The following ADCY5 variants were observed in gnomAD, a reference collection of about 807,000 sequenced individuals.
The protein encoded by ADCY5 is adenylate cyclase type 5.
A neutral mutation model predicts 119.7 loss-of-function variants in ADCY5; 30 were observed. The observed-to-expected ratio is 0.25, with a 90% confidence interval of 0.19 to 0.34. The LOEUF is 0.34. Ranked by LOEUF, ADCY5 falls within the 10% of genes least tolerant of loss-of-function variation. The pLI is 1.00. For missense variants in ADCY5, 1,324 were observed against 1,775.2 expected (o/e 0.75, Z 4.57); for synonymous variants, 753 against 762.2 (o/e 0.99, Z 0.20).
chr3:123,396,172 A>G (rs1234108389), intron 1 of ADCY5, among the ~76,000 whole-genome samples: 1 of 132,772 alleles, frequency 7.5e-6, no homozygotes, highest in Non-Finnish European at 1.6e-5. Flanking sequence ...AAAAGAGAAG[A>G]AGGGAGGGAG....
chr3:123,409,545 A>G (rs1235503359), intron 1 of ADCY5, among the ~76,000 whole-genome samples: 2 of 152,200 alleles, frequency 1.3e-5, no homozygotes, highest in Non-Finnish European at 2.9e-5. Flanking sequence ...GGGAAGCACC[A>G]CCAAAAATCC....
chr3:123,351,621 G>C (rs1397354334), intron 2 of ADCY5, among the ~76,000 whole-genome samples: 1 of 152,100 alleles, frequency 6.6e-6, no homozygotes, highest in Admixed American at 6.5e-5. Flanking sequence ...TCTCCCCTAG[G>C]CCACACAGCC....
Position 123,320,753 on chromosome 3 carries a change from C to T in ADCY5, c.2107G>A (p.Asp703Asn), listed in dbSNP as rs1576569004. ...MKRMGFEDPKDKNAQESANPE... is the reference protein window; with the variant it reads ...MKRMGFEDPKNKNAQESANPE... ...AAGGAAGGGCATATTACTCACTTGT[C>T]CTTGGGGTCTTCAAAGCCCTAGAAG... Residue 703 changes from aspartate to asparagine, a missense_variant, in exon 9 of 21, where the codon GAC (aspartate) becomes AAC (asparagine). Coordinates refer to ENST00000462833, the MANE Select transcript of ADCY5 (RefSeq NM_183357.3). 2 of 1,611,398 alleles carry T rather than the reference C, an allele frequency of 1.2e-6. No homozygotes were observed. The highest frequency in any genetic ancestry group is 2.2e-5 in the East Asian group (1 of 44,874).
At chr3:123,342,107 T>C (rs1381989781) in intron 3 of ADCY5, among the ~76,000 whole-genome samples, 1 of 152,188 alleles carries the variant, frequency 6.6e-6, no homozygotes. Flanking sequence ...AGAATACTTT[T>C]CTTCATGTCA....
Position 123,318,352 on chromosome 3 carries a change from C to T in ADCY5, c.2257-235G>A, listed in dbSNP as rs141647073. 4.3e-4 allele frequency among the ~76,000 whole-genome samples: 66 copies of T among 152,290 alleles called. 1 individual carries two copies. The highest frequency in any genetic ancestry group is 6.8e-3 in the Middle Eastern group (2 of 294). On this transcript the variant is annotated intron_variant, in intron 10 of 20. Transcript: ENST00000462833. ...GTTGAGACAGACCTGAAACCTTCTG[C>T]AGGTGGGTCACCTTCAGAGTAATCC...
At chr3:123,334,729 C>A (rs376490491) in intron 3 of ADCY5, among the ~76,000 whole-genome samples, 103 of 152,216 alleles carry the variant, frequency 6.8e-4, no homozygotes, top group African/African-American at 2.3e-3. Flanking sequence ...CAGAGCTAGA[C>A]TGTCTCAAAT....
intron 1 of ADCY5, among the ~76,000 whole-genome samples, chr3:123,410,321 T>A (rs1253304906): frequency 2.7e-5 from 4 of 149,706 alleles, no homozygotes. Flanking sequence ...ATCCCCCTCC[T>A]CCTCCTCCCC....
chr3:123,384,024 T>C (rs572869138), intron 1 of ADCY5, among the ~76,000 whole-genome samples: 36 of 152,142 alleles, frequency 2.4e-4, no homozygotes, highest in African/African-American at 6.7e-4. Context: ...TTGTAAATGA[T>C]CTTTTCTGCC....
At chr3:123,389,814 A>G (rs1361967678) in intron 1 of ADCY5, among the ~76,000 whole-genome samples, 1 of 152,120 alleles carries the variant, frequency 6.6e-6, no homozygotes, top group African/African-American at 2.4e-5. Context: ...ACCACCAAAA[A>G]CTAATTTAAC....
At position 123,346,637 on chromosome 3, in the gene ADCY5, CTCTCTG is replaced by C. The variant is rs753338611; in HGVS notation, c.1406+1139_1406+1144del. Among the ~76,000 whole-genome samples the C allele has an allele frequency of 4.8e-4, 57 of 118,586 alleles. 1 individual carries two copies. The highest frequency in any genetic ancestry group is 2.1e-3 in the East Asian group (9 of 4,322). 77.8% of individuals were successfully genotyped at this position (118,586 alleles called of 152,430 possible). ...TCTCTCTCTCTCTCTCTCTCTCTCTCTCTCTGTGTGTATGTGTGTGTGTGTGTGAGA... is the reference window on the plus strand; with the variant it reads ...TCTCTCTCTCTCTCTCTCTCTCTCTCTGTGTATGTGTGTGTGTGTGTGAGA... On this transcript the variant is annotated intron_variant, in intron 3 of 20. Coordinates refer to ENST00000462833, the MANE Select transcript of ADCY5 (RefSeq NM_183357.3).
chr3:123,313,834 G>A (rs1185142033), intron 12 of ADCY5, among the ~76,000 whole-genome samples: 1 of 152,208 alleles, frequency 6.6e-6, no homozygotes, highest in Non-Finnish European at 1.5e-5. Context: ...CAGAGCACAT[G>A]GGAGCACCAA....
intron 18 of ADCY5, among the ~76,000 whole-genome samples, chr3:123,290,780 C>T (rs935063606): frequency 6.6e-6 from 1 of 152,168 alleles, no homozygotes; most frequent in Non-Finnish European, 1.5e-5. Flanking sequence ...TGGTGGTCAG[C>T]GAGCCAGTCA....
At chr3:123,297,133 A>G in intron 16 of ADCY5, 1 of 1,409,610 alleles carries the variant, frequency 7.1e-7, no homozygotes. Context: ...AACCACAGAG[A>G]CTACAGATCA....
At chr3:123,346,390 C>A (rs560757075) in intron 3 of ADCY5, among the ~76,000 whole-genome samples, 50 of 152,334 alleles carry the variant, frequency 3.3e-4, no homozygotes, top group Non-Finnish European at 1.5e-4. Flanking sequence ...GACAGAGAAG[C>A]ATGGGGGGTT....
intron 1 of ADCY5, among the ~76,000 whole-genome samples, chr3:123,354,656 T>C (rs1942976005): frequency 6.6e-6 from 1 of 151,888 alleles, no homozygotes; most frequent in African/African-American, 2.4e-5. Context: ...AGGAAGGTTC[T>C]CAGTGATAAA....
intron 1 of ADCY5, among the ~76,000 whole-genome samples, chr3:123,353,443 G>A (rs186567866): frequency 2.6e-4 from 39 of 152,328 alleles, no homozygotes; most frequent in African/African-American, 8.4e-4. Flanking sequence ...GGATATCTGA[G>A]TACATGGGTC....
chr3:123,346,511 A>G (rs544004154), intron 3 of ADCY5, among the ~76,000 whole-genome samples: 1 of 152,138 alleles, frequency 6.6e-6, no homozygotes, highest in Non-Finnish European at 1.5e-5. Context: ...CAGGATCCAC[A>G]GTCTCGGATC....
intron 1 of ADCY5, among the ~76,000 whole-genome samples, chr3:123,363,551 T>C (rs11717195): frequency 0.18 from 28,100 of 152,230 alleles, 2,919 homozygotes; most frequent in Admixed American, 0.26. Flanking sequence ...TGTCCGAGGA[T>C]GATTATAAAA....
At chr3:123,320,464 T>G (rs1165438972) in intron 9 of ADCY5, among the ~76,000 whole-genome samples, 1 of 152,214 alleles carries the variant, frequency 6.6e-6, no homozygotes, top group Non-Finnish European at 1.5e-5. Context: ...GTCTGCACTT[T>G]CCTGAGGGAG....
Sources: allele counts gnomAD v4.1 joint callset (sites outside exome capture counted in the v4.1 genomes callset), GRCh38; gene constraint gnomAD v4.1.1; transcripts MANE v1.5; gene names NCBI Gene and HGNC (gene_info 2026-07-23, HGNC 2026-07-21).